The following LDLRAD4 variants were observed in gnomAD, a reference collection of about 807,000 sequenced individuals.
LDLRAD4 encodes low density lipoprotein receptor class A domain containing 4.
A neutral mutation model predicts 17.0 loss-of-function variants in LDLRAD4; 5 were observed. The ratio of observed to expected loss-of-function variants is 0.29; its 90% CI spans 0.15 to 0.62. The LOEUF (loss-of-function observed/expected upper bound fraction) is 0.62. Ranked by LOEUF, LDLRAD4 falls within the 20% of genes least tolerant of loss-of-function variation. LDLRAD4 has a pLI of 0.84. For synonymous variants in LDLRAD4, 168 were observed against 171.8 expected, an observed-to-expected ratio of 0.98 and a Z score of 0.17; for missense variants, 340 against 424.7, an observed-to-expected ratio of 0.80 and a Z score of 1.75.
chr18:13,376,460 C>T (rs1297266364), intron 1 of LDLRAD4, among the ~76,000 whole-genome samples: 4 of 152,240 alleles, frequency 2.6e-5, no homozygotes, highest in Non-Finnish European at 5.9e-5. Flanking sequence ...TTGCCAGCGG[C>T]ATCCTGTGGT....
intron 1 of LDLRAD4, among the ~76,000 whole-genome samples, chr18:13,358,088 CT>C (rs2083450151): frequency 1.3e-5 from 2 of 152,178 alleles, no homozygotes; most frequent in Admixed American, 1.3e-4. Flanking sequence ...CCACACTCAT[CT>C]TGTATATTTT....
intron 3 of LDLRAD4, among the ~76,000 whole-genome samples, chr18:13,525,863 T>C (rs2094023229): frequency 6.6e-6 from 1 of 152,250 alleles, no homozygotes; most frequent in East Asian, 1.9e-4. Context: ...CTCTGGGCCA[T>C]GTACCCCAGC....
intron 1 of LDLRAD4, among the ~76,000 whole-genome samples, chr18:13,371,088 G>A (rs553575247): frequency 2.6e-5 from 4 of 152,264 alleles, no homozygotes; most frequent in Admixed American, 6.5e-5. Flanking sequence ...GGCTCCTGGC[G>A]GACTCTGTTC....
intron 1 of LDLRAD4, among the ~76,000 whole-genome samples, chr18:13,295,098 C>T (rs1465348721): frequency 6.6e-6 from 1 of 152,158 alleles, no homozygotes; most frequent in Admixed American, 6.5e-5. Flanking sequence ...GGAATTGGAC[C>T]AACAGCATTC....
chr18:13,581,133 T>G (rs540733161), intron 3 of LDLRAD4, among the ~76,000 whole-genome samples: 12 of 152,362 alleles, frequency 7.9e-5, no homozygotes, highest in South Asian at 4.1e-4. Flanking sequence ...ACACATGGCC[T>G]GAAGGTAATT....
chr18:13,393,613 A>G (rs1271006710), intron 2 of LDLRAD4, among the ~76,000 whole-genome samples: 2 of 152,202 alleles, frequency 1.3e-5, no homozygotes, highest in Non-Finnish European at 2.9e-5. Flanking sequence ...GCAGAGAAAC[A>G]GTGTCATGAG....
chr18:13,471,408 G>A (rs1223120567), intron 3 of LDLRAD4: 7 of 152,280 alleles, frequency 4.6e-5, no homozygotes, highest in Admixed American at 4.6e-4. Flanking sequence ...GCTCCCCACT[G>A]GAAGGGATGT....
intron 3 of LDLRAD4, among the ~76,000 whole-genome samples, chr18:13,445,897 GTGGCTTTAGGCAAGTTGTTCAGCCTC>G (rs1305359136): frequency 5.3e-5 from 8 of 152,136 alleles, no homozygotes; most frequent in African/African-American, 1.9e-4. Context: ...CTCACTGCCT[GTGGCTTTAGGCAAGTTGTTCAGCCTC>G]TGTGTACCTC....
intron 1 of LDLRAD4, among the ~76,000 whole-genome samples, chr18:13,337,670 AC>A (rs939436308): frequency 1.4e-4 from 21 of 151,516 alleles, no homozygotes; most frequent in Non-Finnish European, 2.9e-4. Flanking sequence ...CCAAGGTGGT[AC>A]GGTCGCTTGA....
intron 4 of LDLRAD4, among the ~76,000 whole-genome samples, chr18:13,638,787 T>A (rs2042283297): frequency 6.6e-6 from 1 of 152,174 alleles, no homozygotes; most frequent in South Asian, 2.1e-4. Flanking sequence ...GTTTCTTGGG[T>A]TTAGAGTGAC....
intron 3 of LDLRAD4, among the ~76,000 whole-genome samples, chr18:13,476,143 C>T (rs2092933138): frequency 6.6e-6 from 1 of 152,144 alleles, no homozygotes; most frequent in Admixed American, 6.5e-5. Flanking sequence ...CCTTAAGTGC[C>T]TGTGGCTTCC....
intron 1 of LDLRAD4, among the ~76,000 whole-genome samples, chr18:13,235,567 C>T (rs781212698): frequency 3.2e-4 from 48 of 152,308 alleles, no homozygotes; most frequent in Admixed American, 6.5e-4. Flanking sequence ...AAACCAAGTG[C>T]GGAAGAAGGA....
intron 3 of LDLRAD4, among the ~76,000 whole-genome samples, chr18:13,483,623 G>A (rs1648590): frequency 0.66 from 100,714 of 152,092 alleles, 33,473 homozygotes; most frequent in Admixed American, 0.7. Context: ...CGGCAAGCTA[G>A]GATGTGTTTG....
chr18:13,563,898 T>G (rs2094566339), intron 3 of LDLRAD4, among the ~76,000 whole-genome samples: 1 of 148,080 alleles, frequency 6.8e-6, no homozygotes, highest in Non-Finnish European at 1.5e-5. Flanking sequence ...TTATTTTTAT[T>G]TTGCTATTAT....
At chr18:13,406,866 G>A (rs894751255) in intron 2 of LDLRAD4, among the ~76,000 whole-genome samples, 3 of 152,188 alleles carry the variant, frequency 2.0e-5, no homozygotes, top group African/African-American at 7.2e-5. Context: ...CAACTGTCAG[G>A]GTGCTTAGGA....
chr18:13,621,297 C>G lies in LDLRAD4; in HGVS notation c.336+26C>G, dbSNP rs777255627. 45 of 1,577,938 alleles carry G rather than the reference C, an allele frequency of 2.9e-5. No homozygotes were observed. The highest frequency in any genetic ancestry group is 3.9e-5 in the Non-Finnish European group (45 of 1,153,252). On this transcript the variant is annotated intron_variant, in intron 4 of 5. Transcript: ENST00000359446. The surrounding 1 kb of genome is among the most constrained non-coding windows in gnomAD (Gnocchi z 5.5). Reference sequence around the variant, plus strand: ...GTGAGTACCCTGGCCGCCCCGGCTCCAGAGTCAGGCAGCTGCAAGAGGCTT... The same window carrying G: ...GTGAGTACCCTGGCCGCCCCGGCTCGAGAGTCAGGCAGCTGCAAGAGGCTT...
chr18:13,407,100 G>T (rs2087837310), intron 2 of LDLRAD4, among the ~76,000 whole-genome samples: 1 of 151,948 alleles, frequency 6.6e-6, no homozygotes, highest in Non-Finnish European at 1.5e-5. Flanking sequence ...CTTTTCTTTT[G>T]ATGGGTTCTC....
intron 3 of LDLRAD4, among the ~76,000 whole-genome samples, chr18:13,516,927 G>A (rs1465030010): frequency 6.6e-6 from 1 of 152,156 alleles, no homozygotes; most frequent in Non-Finnish European, 1.5e-5. Flanking sequence ...CTAGATCACT[G>A]CAGCCTCGAA....
chr18:13,414,121 G>A (rs568464537), intron 2 of LDLRAD4, among the ~76,000 whole-genome samples: 21 of 152,288 alleles, frequency 1.4e-4, no homozygotes, highest in African/African-American at 4.3e-4. Context: ...CTCATGCCTC[G>A]TTTTGTGCCA....
Sources: allele counts gnomAD v4.1 joint callset (sites outside exome capture counted in the v4.1 genomes callset), GRCh38; gene constraint gnomAD v4.1.1; non-coding constraint Gnocchi (gnomAD v3.1); transcripts MANE v1.5; gene names NCBI Gene and HGNC (gene_info 2026-07-23, HGNC 2026-07-21).